Variants in ZSCAN1 observed in about 807,000 individuals in gnomAD.
ZSCAN1 encodes the protein zinc finger and SCAN domain-containing protein 1.
In ZSCAN1, 23 loss-of-function variants were observed where a neutral mutation model predicts 23.8. The observed-to-expected ratio is 0.97, with a 90% CI of 0.70 to 1.37. ZSCAN1 has a LOEUF of 1.37. Among genes scored for constraint, ZSCAN1 ranks in the 40% most tolerant of loss-of-function variants. The pLI is 0.00. For synonymous variants in ZSCAN1, 236 were observed against 232.3 expected (o/e 1.02, Z -0.15); for missense variants, 575 against 554.0 (o/e 1.04, Z -0.38).
chr19:58,034,889 C>T (rs1027821620), intron 1 of ZSCAN1, among the ~76,000 whole-genome samples: 3 of 151,624 alleles, frequency 2.0e-5, no homozygotes, highest in African/African-American at 7.3e-5. Flanking sequence ...CTCCCAACGC[C>T]CTCCCCACTG....
At chr19:58,052,751 G>A (rs530067272) in intron 5 of ZSCAN1, 123 bp downstream of exon 5, 31 of 1,367,610 alleles carry the variant, frequency 2.3e-5, no homozygotes, top group Non-Finnish European at 2.7e-5. Flanking sequence ...ACTTCCCCCA[G>A]AAAGCATGCA....
intron 4 of ZSCAN1, among the ~76,000 whole-genome samples, chr19:58,043,718 T>A (rs1344053547): frequency 6.6e-6 from 1 of 152,126 alleles, no homozygotes; most frequent in African/African-American, 2.4e-5. Flanking sequence ...GGCACGATCA[T>A]GGCTCACCGC....
chr19:58,051,870 G>A (rs1160062694), intron 4 of ZSCAN1, among the ~76,000 whole-genome samples: 1 of 152,376 alleles, frequency 6.6e-6, no homozygotes, highest in Admixed American at 6.5e-5. Context: ...TGGACACCAA[G>A]CCAAGCCCCT....
rs534920024 is a variant in ZSCAN1, at chr19:58,044,205, G to A, written c.465+3661G>A. 5.0e-3 allele frequency among the ~76,000 whole-genome samples: 754 copies of A among 152,080 alleles called. 5 individuals are homozygous for A. The highest frequency in any genetic ancestry group is 8.3e-3 in the Non-Finnish European group (563 of 67,990). ...GAGAATCGCTTGGATCCAGGAGGCG[G>A]AGGCTGCAGTGAGCCGAGATCACGC... On this transcript the variant is annotated intron_variant, in intron 4 of 5. Transcript: ENST00000282326.
In ZSCAN1 at chr19:58,052,433, T is replaced by C. The variant is rs1046143917; in HGVS notation, c.466-57T>C. On this transcript the variant is annotated intron_variant, in intron 4 of 5. Coordinates refer to ENST00000282326, the MANE Select transcript of ZSCAN1 (RefSeq NM_182572.4). Reference sequence around the variant, plus strand: ...CCGTTCCTTGGTTGTTCGGTGGTGGTGGGGAGGATGGCTCCTGAGGGGCAG... The same window carrying C: ...CCGTTCCTTGGTTGTTCGGTGGTGGCGGGGAGGATGGCTCCTGAGGGGCAG... The C allele has an allele frequency of 2.5e-6, 4 of 1,611,376 alleles. No individual in the cohort carries two copies. The African/African-American group carries it at 5.3e-5, about 22-fold the overall frequency.
rs555151526 is a variant in ZSCAN1, at chr19:58,040,966, G to T, written c.465+422G>T. ...CCCCTGCAGCTAGACCTGCTGTTGC[G>T]CAGGCCTCAAGGCGACGGGAGGGGC... On this transcript the variant is annotated intron_variant, in intron 4 of 5. Transcript: ENST00000282326. This position sits in a 1 kb window ranked among gnomAD's most constrained non-coding sequence, Gnocchi z 5.8. 1.3e-5 allele frequency among the ~76,000 whole-genome samples: 2 copies of T among 152,330 alleles called. No individual in the cohort carries two copies. Among genetic ancestry groups the T allele is most frequent in the African/African-American group, 4.8e-5 (2 of 41,580 alleles).
At chr19:58,034,792 C>T (rs886315451) in intron 1 of ZSCAN1, among the ~76,000 whole-genome samples, 3 of 146,640 alleles carry the variant, frequency 2.0e-5, no homozygotes, top group African/African-American at 7.6e-5. Context: ...GCCGTCGTCG[C>T]TGCCCCTCCC....
rs935316763 is a variant in ZSCAN1 at position 58,049,831 on chromosome 19, T to C, written c.466-2659T>C. On this transcript the variant is annotated intron_variant, in intron 4 of 5. Coordinates refer to ENST00000282326, the MANE Select transcript of ZSCAN1 (RefSeq NM_182572.4). The surrounding 1 kb of genome is among the most constrained non-coding windows in gnomAD (Gnocchi z 4.5). The stretch of plus-strand genomic sequence containing the variant: ...AGCTGATACTCGTGGCCCCTGCTTT[T>C]CTTCTTTGTGCATAGCGATCTCCTG... Among the ~76,000 whole-genome samples the C allele has an allele frequency of 3.3e-5, 5 of 152,214 alleles. No homozygotes were observed. Among genetic ancestry groups the C allele is most frequent in the African/African-American group, 1.2e-4 (5 of 41,456 alleles).
Position 58,045,709 on chromosome 19 carries a change from C to T in ZSCAN1, c.465+5165C>T, listed in dbSNP as rs1414782091. The T allele has an allele frequency of 3.3e-5, 33 of 1,009,992 alleles. No individual in the cohort carries two copies. Among genetic ancestry groups the T allele is most frequent in the South Asian group, 1.3e-4 (10 of 77,990 alleles). The allele number at this position is 1,009,992 out of a possible 1,614,324, so 62.6% of individuals were successfully genotyped here. A position where few individuals can be genotyped will look rare whatever the true frequency, so the allele number is the denominator to read the frequency against. ...GGAGCTGCAGGCGGCATGTCGGGCA[C>T]GAGGCATGCGGGCCCTGGGCGTCAG... On this transcript the variant is annotated intron_variant, in intron 4 of 5. Transcript: ENST00000282326. This position sits in a 1 kb window ranked among gnomAD's most constrained non-coding sequence, Gnocchi z 4.3.
intron 4 of ZSCAN1, among the ~76,000 whole-genome samples, chr19:58,050,538 T>G (rs114978538): frequency 0.01 from 1,593 of 152,204 alleles, 27 homozygotes; most frequent in African/African-American, 0.037. Flanking sequence ...TTTGTTTTGT[T>G]TGAGACGGCG....
rs924942351 is a variant in ZSCAN1, at chr19:58,044,678, G to A, written c.465+4134G>A. 5 of 802,502 alleles carry A rather than the reference G, an allele frequency of 6.2e-6. No homozygotes were observed. In the Admixed American group the frequency reaches 7.6e-5, roughly 12 times the overall value. 49.7% of individuals were successfully genotyped at this position (802,502 alleles called of 1,614,324 possible). A position where few individuals can be genotyped will look rare whatever the true frequency, so the allele number is the denominator to read the frequency against. ...GGTCACCGCCCCGCGGGGTAGTCCG[G>A]GGGATCCTGCTCATCTCAGCTTGCC... On this transcript the variant is annotated intron_variant, in intron 4 of 5. Coordinates refer to ENST00000282326, the MANE Select transcript of ZSCAN1 (RefSeq NM_182572.4).
At chr19:58,055,654 G>A (rs964622060), downstream of ZSCAN1, among the ~76,000 whole-genome samples, 3 of 152,228 alleles carry the variant, frequency 2.0e-5, no homozygotes, top group African/African-American at 7.2e-5. Flanking sequence ...CAGACAACGG[G>A]ATGTGTAGAG....
Position 58,035,194 on chromosome 19 carries a change from C to G in ZSCAN1, c.-151-776C>G, listed in dbSNP as rs532902266. On this transcript the variant is annotated intron_variant, in intron 1 of 5. Coordinates refer to ENST00000282326, the MANE Select transcript of ZSCAN1 (RefSeq NM_182572.4). ...CACCACAGCATTGCCCATGGGGGGG[C>G]CCAGATCCTCCTCACCAGCCATGTA... 4.6e-5 allele frequency among the ~76,000 whole-genome samples: 7 copies of G among 152,228 alleles called. No homozygotes were observed. The East Asian group carries it at 1.2e-3, about 25-fold the overall frequency.
Position 58,045,696 on chromosome 19 carries a change from G to A in ZSCAN1, c.465+5152G>A, listed in dbSNP as rs367840988. ...GCCTGAACGTCAAGGAGCTGCAGGC[G>A]GCATGTCGGGCACGAGGCATGCGGG... On this transcript the variant is annotated intron_variant, in intron 4 of 5. Transcript: ENST00000282326. This position sits in a 1 kb window ranked among gnomAD's most constrained non-coding sequence, Gnocchi z 4.3. 2.9e-5 allele frequency: 27 copies of A among 941,582 alleles called. No individual in the cohort carries two copies. In the East Asian group the frequency reaches 5.1e-4, roughly 18 times the overall value. The allele number at this position is 941,582 out of a possible 1,614,324, so 58.3% of individuals were successfully genotyped here.
chr19:58,040,442 C>G lies in ZSCAN1; in HGVS notation c.371-8C>G. On this transcript the variant is annotated splice_region_variant and splice_polypyrimidine_tract_variant and intron_variant, in intron 3 of 5. Coordinates refer to ENST00000282326, the MANE Select transcript of ZSCAN1 (RefSeq NM_182572.4). This position sits in a 1 kb window ranked among gnomAD's most constrained non-coding sequence, Gnocchi z 5.8. Reference sequence around the variant, plus strand: ...AGGCCCCTCTCACGATCCCTTTCTCCCGCACAGTTCTGGTATCTCTGGACT... The same window carrying G: ...AGGCCCCTCTCACGATCCCTTTCTCGCGCACAGTTCTGGTATCTCTGGACT... 1 of 1,613,398 alleles carries G rather than the reference C, an allele frequency of 6.2e-7. No individual in the cohort carries two copies. The highest frequency in any genetic ancestry group is 2.2e-5 in the East Asian group (1 of 44,876).
Position 58,040,649 on chromosome 19 carries a change from C to CACAGT in ZSCAN1, c.465+105_465+106insACAGT. 1 of 1,111,020 alleles carries CACAGT rather than the reference C, an allele frequency of 9.0e-7. No homozygotes were observed. Among genetic ancestry groups the CACAGT allele is most frequent in the Non-Finnish European group, 1.3e-6 (1 of 761,026 alleles). The allele number at this position is 1,111,020 out of a possible 1,614,324, so 68.8% of individuals were successfully genotyped here. A position where few individuals can be genotyped will look rare whatever the true frequency, so the allele number is the denominator to read the frequency against. On this transcript the variant is annotated intron_variant, in intron 4 of 5. Transcript: ENST00000282326. The surrounding 1 kb of genome is among the most constrained non-coding windows in gnomAD (Gnocchi z 5.8). Reference sequence around the variant, plus strand: ...CATCCAAGGACTGTGTGAGGTTGTCCCCAGCGCTCCCAGGAAGCCCGGCCT... The same window carrying CACAGT: ...CATCCAAGGACTGTGTGAGGTTGTCCACAGTCCAGCGCTCCCAGGAAGCCCGGCCT...
rs567611513 is a variant in ZSCAN1 at position 58,044,973 on chromosome 19, C to G, written c.465+4429C>G. ...AGAAGTCCCTCAAGTCCTTGAAGGA[C>G]AAGAACAAGAAGCTGGAGGAAGGCG... On this transcript the variant is annotated intron_variant, in intron 4 of 5. Transcript: ENST00000282326. 7 of 1,123,420 alleles carry G rather than the reference C, an allele frequency of 6.2e-6. No individual in the cohort carries two copies. In the East Asian group the frequency reaches 1.7e-4, roughly 27 times the overall value. 69.6% of individuals were successfully genotyped at this position (1,123,420 alleles called of 1,614,324 possible). A position where few individuals can be genotyped will look rare whatever the true frequency, so the allele number is the denominator to read the frequency against.
At chr19:58,042,619 GTT>G (rs2123427213) in intron 4 of ZSCAN1, among the ~76,000 whole-genome samples, 1 of 152,266 alleles carries the variant, frequency 6.6e-6, no homozygotes, top group African/African-American at 2.4e-5. Flanking sequence ...CGTGGTTTCT[GTT>G]TCTGCATCTA....
At chr19:58,052,350 G>A (rs373076899) in intron 4 of ZSCAN1, 140 bp from the exon 5 acceptor site, 25 of 1,401,138 alleles carry the variant, frequency 1.8e-5, no homozygotes, top group East Asian at 2.4e-5. Context: ...CCCAAAGCAC[G>A]GGAACAACAG....
Sources: allele counts gnomAD v4.1 joint callset (sites outside exome capture counted in the v4.1 genomes callset), GRCh38; gene constraint gnomAD v4.1.1; non-coding constraint Gnocchi (gnomAD v3.1); transcripts MANE v1.5; gene names NCBI Gene and HGNC (gene_info 2026-07-23, HGNC 2026-07-21).